Variants in SYN2 observed in about 807,000 individuals in gnomAD.
SYN2 encodes the protein synapsin-2.
SYN2 carries 19 observed loss-of-function variants against 50.9 expected under a neutral mutation model. That is an observed-to-expected ratio of 0.37 (90% CI 0.26 to 0.55). The LOEUF (loss-of-function observed/expected upper bound fraction) is 0.55. Among genes scored for constraint, SYN2 ranks in the 20% least tolerant of loss-of-function variants. The pLI, the probability that SYN2 is intolerant of heterozygous loss-of-function variation, is 0.81. For synonymous variants in SYN2, 255 were observed against 224.9 expected, an observed-to-expected ratio of 1.13 and a Z score of -1.20; for missense variants, 587 against 576.4, an observed-to-expected ratio of 1.02 and a Z score of -0.19.
At chr3:12,154,751 T>G (rs1697407329) in intron 5 of SYN2, among the ~76,000 whole-genome samples, 1 of 152,184 alleles carries the variant, frequency 6.6e-6, no homozygotes, top group South Asian at 2.1e-4. Context: ...TCCCCCTTTC[T>G]TTTCTGTCAT....
At chr3:12,069,543 G>C (rs1278192893) in intron 1 of SYN2, among the ~76,000 whole-genome samples, 1 of 151,984 alleles carries the variant, frequency 6.6e-6, no homozygotes, top group Non-Finnish European at 1.5e-5. Context: ...CACTGCGCCC[G>C]GCCGTGGACA....
intron 1 of SYN2, among the ~76,000 whole-genome samples, chr3:12,088,426 T>C (rs141720229): frequency 6.6e-6 from 1 of 152,206 alleles, no homozygotes; most frequent in East Asian, 1.9e-4. Flanking sequence ...GGGGGGGTTG[T>C]GAAGAAAAAG....
At chr3:12,082,222 G>A (rs1695598281) in intron 1 of SYN2, among the ~76,000 whole-genome samples, 5 of 152,206 alleles carry the variant, frequency 3.3e-5, no homozygotes, top group Admixed American at 3.3e-4. Flanking sequence ...CCTAAGTTGT[G>A]ACAAGGGTGA....
intron 1 of SYN2, among the ~76,000 whole-genome samples, chr3:12,025,410 T>TTGAA (rs980725854): frequency 6.6e-5 from 10 of 152,228 alleles, no homozygotes; most frequent in African/African-American, 2.4e-4. Flanking sequence ...TTATTGGTTA[T>TTGAA]TGAATGCCTG....
intron 1 of SYN2, among the ~76,000 whole-genome samples, chr3:12,120,625 C>T (rs985471633): frequency 1.3e-5 from 2 of 152,160 alleles, no homozygotes; most frequent in East Asian, 1.9e-4. Flanking sequence ...CCTTCCAAGC[C>T]CTTGGAGGTG....
rs1252947002 is a variant in SYN2, at chr3:12,153,807, C to T, written c.774+2481C>T. On this transcript the variant is annotated intron_variant, in intron 5 of 12. Transcript: ENST00000621198. ...TCCTACGTACCTTTCCAGCCCATCTCAAATGCCCCCTATCTTATCAAGCCT... is the reference window on the plus strand; with the variant it reads ...TCCTACGTACCTTTCCAGCCCATCTTAAATGCCCCCTATCTTATCAAGCCT... 3 of 1,317,756 alleles carry T rather than the reference C, an allele frequency of 2.3e-6. No homozygotes were observed. The African/African-American group carries it at 4.4e-5, about 19-fold the overall frequency. 81.6% of individuals were successfully genotyped at this position (1,317,756 alleles called of 1,614,324 possible). A position where few individuals can be genotyped will look rare whatever the true frequency, so the allele number is the denominator to read the frequency against.
chr3:12,078,509 A>G lies in SYN2; in HGVS notation c.378-62142A>G, dbSNP rs1006864218. On this transcript the variant is annotated intron_variant, in intron 1 of 12. Transcript: ENST00000621198. Reference sequence around the variant, plus strand: ...TGTGTAAGGAAGGGGTCCAGTTTCAATTTTCTGCATATGGCTAGCTAGTTC... The same window carrying G: ...TGTGTAAGGAAGGGGTCCAGTTTCAGTTTTCTGCATATGGCTAGCTAGTTC... Among the ~76,000 whole-genome samples, 6 of 152,032 alleles carry G rather than the reference A, an allele frequency of 3.9e-5. No individual in the cohort carries two copies. The South Asian group carries it at 1.0e-3, about 26-fold the overall frequency.
intron 1 of SYN2, among the ~76,000 whole-genome samples, chr3:12,068,147 CT>C (rs1291047200): frequency 6.6e-6 from 1 of 151,532 alleles, no homozygotes; most frequent in African/African-American, 2.4e-5. Flanking sequence ...TGATATCGCT[CT>C]TTTTTTATAG....
In SYN2 at chr3:12,145,792, A is replaced by T; in HGVS notation, c.641A>T (p.Asn214Ile). The T allele has an allele frequency of 6.2e-7, 1 of 1,613,914 alleles. No individual in the cohort carries two copies. The change falls in exon 4 of 13, where the codon AAC becomes ATC. Residue 214 changes from asparagine (N) to isoleucine (I), a missense_variant. Asn to Ile is a moderately radical substitution (Grantham distance 149). Transcript: ENST00000621198. ...CAGTATGCAGGCCTCCCCAGCATCA[A>T]CTCACTGGAATCCATATACAACTTC... ...GMQYAGLPSINSLESIYNFCD... is the reference protein window; with the variant it reads ...GMQYAGLPSIISLESIYNFCD...
chr3:12,072,709 C>T (rs566934960), intron 1 of SYN2, among the ~76,000 whole-genome samples: 1 of 152,196 alleles, frequency 6.6e-6, no homozygotes, highest in African/African-American at 2.4e-5. Context: ...TCTCCAATTG[C>T]TTCCATATTC....
intron 1 of SYN2, among the ~76,000 whole-genome samples, chr3:12,122,797 TAAAAA>T (rs1240224360): frequency 6.6e-6 from 1 of 152,062 alleles, no homozygotes; most frequent in Non-Finnish European, 1.5e-5. Context: ...CTTAAGCTGT[TAAAAA>T]ATCTAAAGTT....
rs1318201512 is a variant in SYN2, at chr3:12,092,030, A to G, written c.378-48621A>G. On this transcript the variant is annotated intron_variant, in intron 1 of 12. Transcript: ENST00000621198. ...TCACTAAAACAGGTAATTCAGGCAG[A>G]TCACTACAGATCAATCCATTCTTCT... Among the ~76,000 whole-genome samples, 4 of 152,184 alleles carry G rather than the reference A, an allele frequency of 2.6e-5. No individual in the cohort carries two copies. In the East Asian group the frequency reaches 7.7e-4, roughly 29 times the overall value.
intron 7 of SYN2, among the ~76,000 whole-genome samples, chr3:12,162,950 T>A (rs758208382): frequency 5.3e-5 from 8 of 152,078 alleles, no homozygotes; most frequent in African/African-American, 1.2e-4. Context: ...CCACTTAAAG[T>A]TTACAGTGGG....
intron 1 of SYN2, among the ~76,000 whole-genome samples, chr3:12,083,447 G>A (rs1384326334): frequency 6.6e-6 from 1 of 152,146 alleles, no homozygotes; most frequent in Admixed American, 6.5e-5. Flanking sequence ...TCCTACCTAG[G>A]GTTGGTGGAA....
At chr3:12,077,286 T>C (rs1393921333) in intron 1 of SYN2, among the ~76,000 whole-genome samples, 1 of 152,064 alleles carries the variant, frequency 6.6e-6, no homozygotes, top group African/African-American at 2.4e-5. Context: ...AAACCTTGCA[T>C]AGAATTTTTT....
chr3:12,143,513 T>C lies in SYN2; in HGVS notation c.527+1517T>C, dbSNP rs140458293. Reference sequence around the variant, plus strand: ...TGTCTATGTGTACCCATTATTTGGCTCCCACTTATAAGTGACAAATGCAGT... The same window carrying C: ...TGTCTATGTGTACCCATTATTTGGCCCCCACTTATAAGTGACAAATGCAGT... On this transcript the variant is annotated intron_variant, in intron 3 of 12. Coordinates refer to ENST00000621198, the MANE Select transcript of SYN2 (RefSeq NM_133625.6). Among the ~76,000 whole-genome samples, 1,235 of 152,290 alleles carry C rather than the reference T, an allele frequency of 8.1e-3. 16 individuals carry two copies. Among genetic ancestry groups the C allele is most frequent in the African/African-American group, 0.028 (1,158 of 41,546 alleles).
intron 1 of SYN2, among the ~76,000 whole-genome samples, chr3:12,107,245 T>A (rs542780504): frequency 6.6e-6 from 1 of 152,214 alleles, no homozygotes; most frequent in African/African-American, 2.4e-5. Context: ...CCTCCAGATA[T>A]CCAGACGGAT....
At chr3:12,145,541 A>C in intron 3 of SYN2, 138 bp from the exon 4 acceptor site, 4 of 1,005,140 alleles carry the variant, frequency 4.0e-6, no homozygotes, top group Non-Finnish European at 5.7e-6. Flanking sequence ...TCTCTAAAAT[A>C]ACAACAGTAA....
intron 1 of SYN2, among the ~76,000 whole-genome samples, chr3:12,018,055 A>G (rs890902541): frequency 2.0e-5 from 3 of 152,170 alleles, no homozygotes; most frequent in African/African-American, 2.4e-5. Context: ...CATTTTACAT[A>G]TGAAGGAATT....
Sources: allele counts gnomAD v4.1 joint callset (sites outside exome capture counted in the v4.1 genomes callset), GRCh38; gene constraint gnomAD v4.1.1; transcripts MANE v1.5; gene names NCBI Gene and HGNC (gene_info 2026-07-23, HGNC 2026-07-21).